Variants in MIER2 observed in about 807,000 individuals in gnomAD.
MIER2 encodes the protein mesoderm induction early response protein 2.
MIER2 carries 30 observed loss-of-function variants against 67.6 expected under a neutral mutation model. The ratio of observed to expected loss-of-function variants is 0.44; its 90% CI spans 0.33 to 0.60. The LOEUF (loss-of-function observed/expected upper bound fraction) is 0.60. Ranked by LOEUF, MIER2 falls within the 20% of genes least tolerant of loss-of-function variation. The pLI is 0.02. For missense variants in MIER2, 702 were observed against 745.1 expected, an observed-to-expected ratio of 0.94 and a Z score of 0.67; for synonymous variants, 372 against 312.6, an observed-to-expected ratio of 1.19 and a Z score of -2.00.
At chr19:329,817 C>G (rs57948121) in intron 3 of MIER2, among the ~76,000 whole-genome samples, 22,523 of 141,982 alleles carry the variant, frequency 0.16, 2,242 homozygotes, top group African/African-American at 0.28. Context: ...AGTGAGCCGA[C>G]ATTGTGCTAC....
intron 10 of MIER2, among the ~76,000 whole-genome samples, chr19:310,832 C>T (rs1422972667): frequency 7.1e-6 from 1 of 140,770 alleles, no homozygotes; most frequent in Non-Finnish European, 1.5e-5. Context: ...GGCCAGGAGT[C>T]CAGAAACACG....
intron 7 of MIER2, among the ~76,000 whole-genome samples, chr19:322,299 C>T (rs1971534947): frequency 1.3e-5 from 2 of 152,116 alleles, no homozygotes; most frequent in Admixed American, 1.3e-4. Flanking sequence ...AAGAATATCT[C>T]CAAGAGCCTG....
chr19:325,988 C>T (rs544885024), intron 6 of MIER2, among the ~76,000 whole-genome samples: 22 of 152,236 alleles, frequency 1.4e-4, no homozygotes, highest in Admixed American at 2.6e-4. Flanking sequence ...GCCCAGGCTC[C>T]GGTCCAAAGC....
At chr19:343,998 C>T in intron 1 of MIER2, 1 of 985,426 alleles carries the variant, frequency 1.0e-6, no homozygotes, top group Non-Finnish European at 1.2e-6. Context: ...CATCACAGTC[C>T]AAAATCCCAC....
At chr19:336,912 G>A (rs1450277285) in intron 1 of MIER2, among the ~76,000 whole-genome samples, 5 of 151,762 alleles carry the variant, frequency 3.3e-5, no homozygotes, top group South Asian at 2.1e-4. Context: ...GCGCAATCTT[G>A]GCTCACTGCA....
Position 344,079 on chromosome 19 carries a change from C to T in MIER2, c.9+695G>A, listed in dbSNP as rs55712414. On this transcript the variant is annotated intron_variant, in intron 1 of 13. Coordinates refer to ENST00000264819, the MANE Select transcript of MIER2 (RefSeq NM_017550.3). ...CCCAAACATTTCAGATAAAGGGTCC[C>T]GGGCTTGTTTCCTGGACGAGGGAGG... 2,903 of 985,414 alleles carry T rather than the reference C, an allele frequency of 2.9e-3. 5 individuals carry two copies. The highest frequency in any genetic ancestry group is 4.8e-3 in the Admixed American group (78 of 16,290). The allele number at this position is 985,414 out of a possible 1,614,324, so 61.0% of individuals were successfully genotyped here.
rs1970754274 is a variant in MIER2, at chr19:308,242, G to A, written c.1198+335C>T. Among the ~76,000 whole-genome samples the A allele has an allele frequency of 6.6e-6, 1 of 152,172 alleles. No individual in the cohort carries two copies. Among genetic ancestry groups the A allele is most frequent in the African/African-American group, 2.4e-5 (1 of 41,448 alleles). The stretch of plus-strand genomic sequence containing the variant: ...GTCCTTCCTGAGTGTCCTGGTGACG[G>A]GCTAAGTCCCCACCCTGGGGCAGGA... On this transcript the variant is annotated intron_variant, in intron 12 of 13. Transcript: ENST00000264819. This position sits in a 1 kb window ranked among gnomAD's most constrained non-coding sequence, Gnocchi z 9.1.
chr19:308,477 C>A lies in MIER2; in HGVS notation c.1198+100G>T. Reference sequence around the variant, plus strand: ...CGCCCACTCCTCCTGGCGAGGCTGGCCCAGCACAGGGCGCCAGGCAGGAGA... The same window carrying A: ...CGCCCACTCCTCCTGGCGAGGCTGGACCAGCACAGGGCGCCAGGCAGGAGA... On this transcript the variant is annotated intron_variant, in intron 12 of 13. Transcript: ENST00000264819. This position sits in a 1 kb window ranked among gnomAD's most constrained non-coding sequence, Gnocchi z 9.1. 1.5e-6 allele frequency: 2 copies of A among 1,317,568 alleles called. No homozygotes were observed. The highest frequency in any genetic ancestry group is 2.9e-5 in the African/African-American group (2 of 68,340). 81.6% of individuals were successfully genotyped at this position (1,317,568 alleles called of 1,614,324 possible). A position where few individuals can be genotyped will look rare whatever the true frequency, so the allele number is the denominator to read the frequency against.
At position 308,775 on chromosome 19, in the gene MIER2, T is replaced by C; in HGVS notation, c.1109+26A>G. ...CCCCCGGCGGGGTGGCCGCCTGTCG[T>C]TACTGCTGGGGAGGGCTGCACGCAC... On this transcript the variant is annotated intron_variant, in intron 11 of 13. Coordinates refer to ENST00000264819, the MANE Select transcript of MIER2 (RefSeq NM_017550.3). The surrounding 1 kb of genome is among the most constrained non-coding windows in gnomAD (Gnocchi z 9.1). 1 of 1,596,086 alleles carries C rather than the reference T, an allele frequency of 6.3e-7. No individual in the cohort carries two copies. The highest frequency in any genetic ancestry group is 8.6e-7 in the Non-Finnish European group (1 of 1,166,436).
At chr19:310,855 A>G (rs888281257) in intron 10 of MIER2, among the ~76,000 whole-genome samples, 1 of 152,080 alleles carries the variant, frequency 6.6e-6, no homozygotes, top group African/African-American at 2.4e-5. Context: ...CCACAACTCC[A>G]GAAACACGGC....
intron 3 of MIER2, among the ~76,000 whole-genome samples, chr19:329,932 G>A (rs907121211): frequency 3.3e-5 from 5 of 151,590 alleles, no homozygotes; most frequent in African/African-American, 1.2e-4. Flanking sequence ...CTCACCCTGA[G>A]CAGATGTTTC....
intron 7 of MIER2, among the ~76,000 whole-genome samples, chr19:320,655 G>A (rs183102006): frequency 2.2e-4 from 33 of 152,276 alleles, no homozygotes; most frequent in Non-Finnish European, 3.8e-4. Flanking sequence ...ACACACCAGG[G>A]AGGCAGGCAG....
intron 5 of MIER2, chr19:326,817 C>T (rs980586389): frequency 1.2e-5 from 7 of 587,038 alleles, no homozygotes; most frequent in East Asian, 8.6e-5. Context: ...CTCTGGGCCC[C>T]GAGCCCTCAG....
chr19:308,848 G>A lies in MIER2; in HGVS notation c.1062C>T (p.Ala354=). 1 of 1,610,986 alleles carries A rather than the reference G, an allele frequency of 6.2e-7. No individual in the cohort carries two copies. The highest frequency in any genetic ancestry group is 8.5e-7 in the Non-Finnish European group (1 of 1,177,980). The part of the protein sequence containing the change: ...WKKSERYDYF[A]QQTRLGRRKY... ...TCCTCCGGCCCAGCCGCGTCTGCTG[G>A]GCGAAGTAGTCGTAGCGCTCCGACT... The change falls in exon 11 of 14, where the codon GCC becomes GCT. Residue 354 remains alanine (A), a synonymous_variant. Transcript: ENST00000264819. This position sits in a 1 kb window ranked among gnomAD's most constrained non-coding sequence, Gnocchi z 9.1.
At chr19:307,889 G>A (rs961305464) in intron 12 of MIER2, among the ~76,000 whole-genome samples, 22 of 100,846 alleles carry the variant, frequency 2.2e-4, no homozygotes, top group African/African-American at 1.6e-3. Context: ...GGGGCGCTGC[G>A]AGGGCTAATA....
intron 8 of MIER2, 81 bp downstream of exon 8, chr19:313,411 C>T: frequency 6.4e-7 from 1 of 1,557,644 alleles, no homozygotes; most frequent in Non-Finnish European, 8.6e-7. Flanking sequence ...CCTCCCTGGC[C>T]CCTGGAGGCA....
At chr19:325,590 C>G (rs371453412) in intron 7 of MIER2, 45 bp downstream of exon 7, 1 of 1,608,458 alleles carries the variant, frequency 6.2e-7, no homozygotes, top group African/African-American at 1.3e-5. Context: ...AGGCCACTCC[C>G]CTTGCAGAAG....
chr19:326,148 G>T (rs528537865), intron 6 of MIER2, among the ~76,000 whole-genome samples: 1 of 152,254 alleles, frequency 6.6e-6, no homozygotes, highest in South Asian at 2.1e-4. Flanking sequence ...GCCATGGGAG[G>T]GATGCCAGGT....
rs1050800077 is a variant in MIER2 at position 308,544 on chromosome 19, C to A, written c.1198+33G>T. ...ACTCACGGCTCCAGACCCGTGGCCG[C>A]CCCCAGGGCAGGAGATACTCCCCAA... is the stretch of plus-strand genomic sequence containing the variant. On this transcript the variant is annotated intron_variant, in intron 12 of 13. Coordinates refer to ENST00000264819, the MANE Select transcript of MIER2 (RefSeq NM_017550.3). This position sits in a 1 kb window ranked among gnomAD's most constrained non-coding sequence, Gnocchi z 9.1. The A allele has an allele frequency of 1.2e-5, 19 of 1,556,122 alleles. No individual in the cohort carries two copies. The highest frequency in any genetic ancestry group is 1.5e-5 in the Non-Finnish European group (17 of 1,150,090).
Sources: allele counts gnomAD v4.1 joint callset (sites outside exome capture counted in the v4.1 genomes callset), GRCh38; gene constraint gnomAD v4.1.1; non-coding constraint Gnocchi (gnomAD v3.1); transcripts MANE v1.5; gene names NCBI Gene and HGNC (gene_info 2026-07-23, HGNC 2026-07-21).